The following MSRB3 variants were observed in gnomAD, a reference collection of about 807,000 sequenced individuals.
The protein encoded by MSRB3 is methionine-R-sulfoxide reductase B3.
MSRB3 carries 13 observed loss-of-function variants against 21.0 expected under a neutral mutation model. The ratio of observed to expected loss-of-function variants is 0.62; its 90% confidence interval spans 0.40 to 0.98. The LOEUF (loss-of-function observed/expected upper bound fraction) is 0.98. Among genes scored for constraint, MSRB3 ranks in the 50% least tolerant of loss-of-function variants. The probability of loss-of-function intolerance (pLI) is 0.00; values close to 1 mark genes in which losing one functional copy is unlikely to be tolerated. For missense variants in MSRB3, 199 were observed against 230.3 expected, an observed-to-expected ratio of 0.86 and a Z score of 0.88; for synonymous variants, 87 against 88.6, an observed-to-expected ratio of 0.98 and a Z score of 0.10.
chr12:65,320,388 A>G (rs1255944199), intron 2 of MSRB3, among the ~76,000 whole-genome samples: 1 of 152,172 alleles, frequency 6.6e-6, no homozygotes, highest in Non-Finnish European at 1.5e-5. Context: ...AACAGGTACT[A>G]ATTTTATACT....
intron 5 of MSRB3, among the ~76,000 whole-genome samples, chr12:65,433,060 G>A (rs1472073210): frequency 6.6e-6 from 1 of 151,898 alleles, no homozygotes; most frequent in African/African-American, 2.4e-5. Flanking sequence ...AAAACAATAT[G>A]TCAGTTCCTC....
At chr12:65,366,050 C>T (rs920154190) in intron 4 of MSRB3, among the ~76,000 whole-genome samples, 1 of 152,150 alleles carries the variant, frequency 6.6e-6, no homozygotes. Flanking sequence ...AGCCAGGCAT[C>T]GAGTTCCAAA....
At chr12:65,326,778 GGATT>G in intron 2 of MSRB3, 44 bp from the exon 3 acceptor site, 1 of 1,455,728 alleles carries the variant, frequency 6.9e-7, no homozygotes, top group Non-Finnish European at 9.6e-7. Flanking sequence ...CAATTATTTA[GGATT>G]CAAGCTAAAA....
intron 5 of MSRB3, among the ~76,000 whole-genome samples, chr12:65,377,259 C>T (rs1878678820): frequency 6.6e-6 from 1 of 152,150 alleles, no homozygotes; most frequent in South Asian, 2.1e-4. Flanking sequence ...AACCATGTCT[C>T]ATTTTCCTTT....
intron 2 of MSRB3, among the ~76,000 whole-genome samples, chr12:65,323,083 A>G (rs1874790150): frequency 6.6e-6 from 1 of 152,218 alleles, no homozygotes; most frequent in African/African-American, 2.4e-5. Flanking sequence ...TTTTAACCTC[A>G]GAATTCACTG....
At chr12:65,440,789 T>C (rs928376702) in intron 5 of MSRB3, among the ~76,000 whole-genome samples, 3 of 151,928 alleles carry the variant, frequency 2.0e-5, no homozygotes, top group African/African-American at 7.2e-5. Flanking sequence ...ATCTGAAATA[T>C]ATACATTGAT....
At chr12:65,366,035 C>G (rs1389615168) in intron 4 of MSRB3, among the ~76,000 whole-genome samples, 2 of 152,070 alleles carry the variant, frequency 1.3e-5, no homozygotes, top group Non-Finnish European at 2.9e-5. Context: ...CCTTCTATAC[C>G]CAACAGCCAG....
At chr12:65,292,888 A>G (rs1872740637) in intron 1 of MSRB3, among the ~76,000 whole-genome samples, 1 of 152,128 alleles carries the variant, frequency 6.6e-6, no homozygotes, top group Admixed American at 6.6e-5. Context: ...CCTGGATGGC[A>G]TTCCAATCAG....
chr12:65,453,251 A>G (rs1038681644), intron 5 of MSRB3, among the ~76,000 whole-genome samples: 9 of 152,204 alleles, frequency 5.9e-5, no homozygotes, highest in African/African-American at 2.2e-4. Flanking sequence ...GTTTTGTTAA[A>G]CAAAATTTTA....
At chr12:65,335,236 A>G (rs556935986) in intron 4 of MSRB3, among the ~76,000 whole-genome samples, 11 of 152,350 alleles carry the variant, frequency 7.2e-5, no homozygotes, top group South Asian at 6.2e-4. Context: ...GGAACATATC[A>G]TACTATCACA....
intron 5 of MSRB3, among the ~76,000 whole-genome samples, chr12:65,447,692 A>G (rs1882682073): frequency 6.6e-6 from 1 of 152,206 alleles, no homozygotes; most frequent in Non-Finnish European, 1.5e-5. Flanking sequence ...AGTAGGGAAC[A>G]AGGTTAGAGG....
chr12:65,383,423 G>A (rs1441564687), intron 5 of MSRB3, among the ~76,000 whole-genome samples: 1 of 152,052 alleles, frequency 6.6e-6, no homozygotes, highest in African/African-American at 2.4e-5. Context: ...ACAAGGCCAG[G>A]GGAGACTTTT....
At chr12:65,452,862 C>T (rs1448791697) in intron 5 of MSRB3, among the ~76,000 whole-genome samples, 2 of 152,126 alleles carry the variant, frequency 1.3e-5, no homozygotes, top group African/African-American at 4.8e-5. Context: ...TCAGCAACAT[C>T]GCCCCTCTTT....
At chr12:65,415,792 AG>A (rs1392931763) in intron 5 of MSRB3, among the ~76,000 whole-genome samples, 1 of 152,314 alleles carries the variant, frequency 6.6e-6, no homozygotes, top group East Asian at 1.9e-4. Flanking sequence ...AGTCCCTGGA[AG>A]GGTTTACCAG....
intron 6 of MSRB3, among the ~76,000 whole-genome samples, chr12:65,458,630 A>G (rs1366708123): frequency 1.3e-5 from 2 of 152,104 alleles, no homozygotes; most frequent in Non-Finnish European, 2.9e-5. Flanking sequence ...GTACCCTGTT[A>G]TATTCTGATT....
chr12:65,418,313 T>C (rs921218494), intron 5 of MSRB3, among the ~76,000 whole-genome samples: 1 of 152,170 alleles, frequency 6.6e-6, no homozygotes, highest in African/African-American at 2.4e-5. Context: ...GGAAGTTATC[T>C]ATCAAGTCCT....
chr12:65,398,927 C>A (rs181179396), intron 5 of MSRB3, among the ~76,000 whole-genome samples: 303 of 151,920 alleles, frequency 2.0e-3, no homozygotes, highest in African/African-American at 7.0e-3. Flanking sequence ...AGGTGTGTGG[C>A]GTTATTTCTG....
rs73318488 is a variant in MSRB3, at chr12:65,341,956, T to C, written c.263+13353T>C. Among the ~76,000 whole-genome samples the C allele has an allele frequency of 8.7e-3, 1,324 of 152,096 alleles. 19 individuals carry two copies. The highest frequency in any genetic ancestry group is 0.03 in the African/African-American group (1,255 of 41,540). On this transcript the variant is annotated intron_variant, in intron 4 of 6. Coordinates refer to ENST00000308259, the MANE Select transcript of MSRB3 (RefSeq NM_001031679.3). The stretch of plus-strand genomic sequence containing the variant: ...TAAATGAATACTATGTTTCATTAAA[T>C]CTAAGAAGTCATTTGTAAGGGTATA...
At chr12:65,411,498 C>G (rs1011303980) in intron 5 of MSRB3, among the ~76,000 whole-genome samples, 7 of 152,232 alleles carry the variant, frequency 4.6e-5, no homozygotes, top group African/African-American at 1.7e-4. Flanking sequence ...AATTTGTACT[C>G]TTTTACCTTT....
Sources: allele counts gnomAD v4.1 joint callset (sites outside exome capture counted in the v4.1 genomes callset), GRCh38; gene constraint gnomAD v4.1.1; transcripts MANE v1.5; gene names NCBI Gene and HGNC (gene_info 2026-07-23, HGNC 2026-07-21).